Variants in SLC25A13 observed in about 807,000 individuals in gnomAD.
The protein encoded by SLC25A13 is solute carrier family 25 member 13, also known as electrogenic aspartate/glutamate antiporter SLC25A13, mitochondrial.
SLC25A13 carries 70 observed loss-of-function variants against 85.5 expected under a neutral mutation model. The ratio of observed to expected loss-of-function variants is 0.82; its 90% CI spans 0.68 to 1.00. The LOEUF (loss-of-function observed/expected upper bound fraction) is 1.00. SLC25A13 is among the 50% of genes least tolerant of loss of function. The probability of loss-of-function intolerance (pLI) is 0.00; values close to 1 mark genes in which losing one functional copy is unlikely to be tolerated. For synonymous variants in SLC25A13, 259 were observed against 288.7 expected, an observed-to-expected ratio of 0.90 and a Z score of 1.04; for missense variants, 765 against 819.8, an observed-to-expected ratio of 0.93 and a Z score of 0.82.
At chr7:96,292,479 G>T (rs1223532807) in intron 2 of SLC25A13, among the ~76,000 whole-genome samples, 1 of 152,282 alleles carries the variant, frequency 6.6e-6, no homozygotes, top group Admixed American at 6.5e-5. Context: ...AGGAAAAGAG[G>T]AAGTCAAATT....
intron 5 of SLC25A13, among the ~76,000 whole-genome samples, chr7:96,206,095 C>T (rs1331852802): frequency 1.3e-5 from 2 of 152,198 alleles, no homozygotes; most frequent in Non-Finnish European, 2.9e-5. Context: ...AGTGCTGTCT[C>T]TACATGCCAT....
intron 4 of SLC25A13, among the ~76,000 whole-genome samples, chr7:96,216,313 G>C (rs1301190785): frequency 6.6e-6 from 1 of 152,112 alleles, no homozygotes. Flanking sequence ...GTGTAAATTA[G>C]TTTAACCACT....
At chr7:96,292,164 A>G (rs537020781) in intron 2 of SLC25A13, among the ~76,000 whole-genome samples, 13 of 152,270 alleles carry the variant, frequency 8.5e-5, no homozygotes, top group South Asian at 4.1e-4. Context: ...TATAAACAGA[A>G]CCAAAGACAA....
At chr7:96,227,842 C>T (rs1381482427) in intron 4 of SLC25A13, among the ~76,000 whole-genome samples, 3 of 152,122 alleles carry the variant, frequency 2.0e-5, no homozygotes, top group African/African-American at 7.2e-5. Flanking sequence ...GAATATCTTC[C>T]TGACCCGGAG....
chr7:96,226,673 G>A (rs1796339289), intron 4 of SLC25A13, among the ~76,000 whole-genome samples: 1 of 151,542 alleles, frequency 6.6e-6, no homozygotes, highest in Non-Finnish European at 1.5e-5. Context: ...AAAAAGAAAA[G>A]AAAGAAAAAG....
chr7:96,235,911 T>C lies in SLC25A13; in HGVS notation c.213-994A>G, dbSNP rs369044383. ...AGAGGAAATGGGTCCATAAAAGCTT[T>C]CCTAGATTTTATTTTTTAACAACTG... On this transcript the variant is annotated intron_variant, in intron 3 of 17. Transcript: ENST00000265631. Among the ~76,000 whole-genome samples, 6 of 152,240 alleles carry C rather than the reference T, an allele frequency of 3.9e-5. No homozygotes were observed. The East Asian group carries it at 9.6e-4, about 24-fold the overall frequency.
At chr7:96,128,489 G>A (rs1791827090) in intron 15 of SLC25A13, among the ~76,000 whole-genome samples, 1 of 152,048 alleles carries the variant, frequency 6.6e-6, no homozygotes, top group Non-Finnish European at 1.5e-5. Flanking sequence ...AATACACAAA[G>A]ACCATCAAGC....
At chr7:96,319,785 T>C (rs886579995) in intron 1 of SLC25A13, among the ~76,000 whole-genome samples, 2 of 152,168 alleles carry the variant, frequency 1.3e-5, no homozygotes, top group South Asian at 2.1e-4. Flanking sequence ...AATAAGTATA[T>C]ATGATGTGAG....
At chr7:96,321,825 C>G (rs1479872739) in intron 1 of SLC25A13, 117 bp downstream of exon 1, 3 of 1,303,354 alleles carry the variant, frequency 2.3e-6, no homozygotes, top group Admixed American at 2.9e-5. Context: ...AACGGCTGCC[C>G]GGCACCCCAT....
chr7:96,285,829 C>G (rs552213077), intron 2 of SLC25A13, among the ~76,000 whole-genome samples: 1 of 152,166 alleles, frequency 6.6e-6, no homozygotes, highest in African/African-American at 2.4e-5. Flanking sequence ...GCACTCAATA[C>G]ACATCTGTTT....
chr7:96,297,094 C>G (rs1490550194), intron 1 of SLC25A13, 143 bp from the exon 2 acceptor site: 1 of 729,890 alleles, frequency 1.4e-6, no homozygotes, highest in Non-Finnish European at 2.4e-6. Flanking sequence ...AGTGCATAAA[C>G]TATGCCCCCT....
At position 96,223,789 on chromosome 7, in the gene SLC25A13, G is replaced by GA. The variant is rs56882933; in HGVS notation, c.328+11012dup. On this transcript the variant is annotated intron_variant, in intron 4 of 17. Transcript: ENST00000265631. Reference sequence around the variant, plus strand: ...GGCAACAGAGCGAGACTCCATCTCTGAAAAAAAAAAAAAAAAAAAAAAAAA... The same window carrying GA: ...GGCAACAGAGCGAGACTCCATCTCTGAAAAAAAAAAAAAAAAAAAAAAAAAA... Among the ~76,000 whole-genome samples the GA allele has an allele frequency of 4.7e-3, 438 of 94,152 alleles. 21 individuals are homozygous for GA. Among genetic ancestry groups the GA allele is most frequent in the African/African-American group, 0.016 (408 of 25,344 alleles). The allele number at this position is 94,152 out of a possible 152,430, so 61.8% of individuals were successfully genotyped here.
At chr7:96,277,075 A>T in intron 3 of SLC25A13, 121 bp downstream of exon 3, 1 of 896,592 alleles carries the variant, frequency 1.1e-6, no homozygotes, top group South Asian at 1.9e-5. Context: ...AATAGTAGTA[A>T]GTACAGAAAA....
At chr7:96,216,998 C>T (rs1554356472) in intron 4 of SLC25A13, among the ~76,000 whole-genome samples, 1 of 152,024 alleles carries the variant, frequency 6.6e-6, no homozygotes, top group South Asian at 2.1e-4. Flanking sequence ...TGATAAGGAA[C>T]CCTAGTATAC....
rs1792042807 is a variant in SLC25A13, at chr7:96,131,808, G to A, written c.1526C>T (p.Ala509Val). 2 of 1,614,124 alleles carry A rather than the reference G, an allele frequency of 1.2e-6. No individual in the cohort carries two copies. The highest frequency in any genetic ancestry group is 2.2e-5 in the South Asian group (2 of 91,074). The change falls in exon 15 of 18, where the codon GCT becomes GTT. Residue 509 changes from alanine (A) to valine (V), a missense_variant. Transcript: ENST00000265631. ...IYFPCYAHVK[A>V]SFANEDGQVS... is the part of the protein sequence containing the mutation. ...CTGCCCATCTTCATTTGCAAAGGAA[G>A]CCTTCACATGAGCATAGCACGGAAA...
At chr7:96,288,043 G>A (rs2116970808) in intron 2 of SLC25A13, among the ~76,000 whole-genome samples, 1 of 152,258 alleles carries the variant, frequency 6.6e-6, no homozygotes, top group East Asian at 1.9e-4. Flanking sequence ...GTCCCAACAT[G>A]CACAACCATA....
intron 2 of SLC25A13, among the ~76,000 whole-genome samples, chr7:96,279,523 C>G (rs1337109293): frequency 6.6e-6 from 1 of 152,092 alleles, no homozygotes; most frequent in Non-Finnish European, 1.5e-5. Flanking sequence ...AGGGGAACTC[C>G]CATTTATAAA....
At chr7:96,292,855 C>CA (rs1238469088) in intron 2 of SLC25A13, among the ~76,000 whole-genome samples, 2 of 152,102 alleles carry the variant, frequency 1.3e-5, no homozygotes, top group East Asian at 3.8e-4. Context: ...CCATACTTCC[C>CA]AAGGTAATTT....
chr7:96,304,715 C>T (rs1799677147), intron 1 of SLC25A13, among the ~76,000 whole-genome samples: 1 of 152,174 alleles, frequency 6.6e-6, no homozygotes, highest in Admixed American at 6.5e-5. Flanking sequence ...AACAACCACT[C>T]CTTAGATGGT....
Sources: allele counts gnomAD v4.1 joint callset (sites outside exome capture counted in the v4.1 genomes callset), GRCh38; gene constraint gnomAD v4.1.1; transcripts MANE v1.5; gene names NCBI Gene and HGNC (gene_info 2026-07-23, HGNC 2026-07-21).